GALNTL6: variants seen among roughly 807,000 people sequenced by gnomAD.
The protein encoded by GALNTL6 is polypeptide N-acetylgalactosaminyltransferase-like 6.
Under a neutral mutation model 73.7 loss-of-function variants are expected in GALNTL6, and 46 were observed. That is an observed-to-expected ratio of 0.62 (90% CI 0.49 to 0.80). The LOEUF (loss-of-function observed/expected upper bound fraction) is 0.80. GALNTL6 is among the 30% of genes least tolerant of loss of function. The pLI, the probability that GALNTL6 is intolerant of heterozygous loss-of-function variation, is 0.00. For missense variants in GALNTL6, 604 were observed against 755.0 expected (o/e 0.80, Z 2.34); for synonymous variants, 259 against 263.7 (o/e 0.98, Z 0.17).
Position 172,815,867 on chromosome 4 carries a change from C to T in GALNTL6, c.923+2144C>T, listed in dbSNP as rs1741575525. 4.6e-5 allele frequency among the ~76,000 whole-genome samples: 7 copies of T among 152,276 alleles called. No homozygotes were observed. In the South Asian group the frequency reaches 1.2e-3, roughly 27 times the overall value. On this transcript the variant is annotated intron_variant, in intron 7 of 12. Transcript: ENST00000506823. Reference sequence around the variant, plus strand: ...CCTAGGAATGTGGACACTTTAGCCTCTTGTAATAAATGTAACTTGCAGGAG... The same window carrying T: ...CCTAGGAATGTGGACACTTTAGCCTTTTGTAATAAATGTAACTTGCAGGAG...
chr4:172,833,478 C>G (rs532710527), intron 7 of GALNTL6, among the ~76,000 whole-genome samples: 3 of 152,246 alleles, frequency 2.0e-5, no homozygotes, highest in African/African-American at 7.2e-5. Flanking sequence ...AATCTGCCTA[C>G]TTCACCCCTC....
chr4:172,567,450 A>C (rs1736598178), intron 5 of GALNTL6, among the ~76,000 whole-genome samples: 1 of 152,220 alleles, frequency 6.6e-6, no homozygotes. Flanking sequence ...AAAATCATAC[A>C]TAATTTCACA....
rs112199600 is a variant in GALNTL6 at position 172,756,600 on chromosome 4, G to A, written c.554-52761G>A. Among the ~76,000 whole-genome samples the A allele has an allele frequency of 9.5e-3, 1,435 of 151,770 alleles. 10 individuals are homozygous for A. The highest frequency in any genetic ancestry group is 0.016 in the Non-Finnish European group (1,103 of 67,970). On this transcript the variant is annotated intron_variant, in intron 5 of 12. Coordinates refer to ENST00000506823, the MANE Select transcript of GALNTL6 (RefSeq NM_001034845.3). ...GCCGAAGTTGCAGTGAGCCAAGATCGCGTCACTGCACACTACAGCCCGGCA... is the reference window on the plus strand; with the variant it reads ...GCCGAAGTTGCAGTGAGCCAAGATCACGTCACTGCACACTACAGCCCGGCA...
chr4:172,205,190 A>AGGATAAAACATC (rs1278203169), intron 2 of GALNTL6, among the ~76,000 whole-genome samples: 2 of 152,222 alleles, frequency 1.3e-5, no homozygotes, highest in Admixed American at 1.3e-4. Flanking sequence ...ACAAATGTAA[A>AGGATAAAACATC]GGATAAAACA....
At chr4:172,675,090 A>G (rs572266190) in intron 5 of GALNTL6, among the ~76,000 whole-genome samples, 1 of 151,860 alleles carries the variant, frequency 6.6e-6, no homozygotes, top group Non-Finnish European at 1.5e-5. Flanking sequence ...ATTCCTTATC[A>G]TCTGTGTGGG....
At chr4:172,149,476 G>T (rs1465667367) in intron 2 of GALNTL6, among the ~76,000 whole-genome samples, 3 of 151,770 alleles carry the variant, frequency 2.0e-5, no homozygotes, top group Non-Finnish European at 4.4e-5. Context: ...GTTTCCTGAG[G>T]CTCCTAGAGG....
At chr4:172,566,219 C>T (rs1250418434) in intron 5 of GALNTL6, among the ~76,000 whole-genome samples, 2 of 152,016 alleles carry the variant, frequency 1.3e-5, no homozygotes, top group Admixed American at 6.5e-5. Context: ...CAAAATATAC[C>T]ACCAACAGTA....
chr4:172,707,648 T>C (rs1734438130), intron 5 of GALNTL6, among the ~76,000 whole-genome samples: 1 of 152,200 alleles, frequency 6.6e-6, no homozygotes, highest in Admixed American at 6.5e-5. Context: ...TATTCAGACC[T>C]GTCAGGTCTA....
At chr4:172,704,362 T>C (rs1734200710) in intron 5 of GALNTL6, among the ~76,000 whole-genome samples, 1 of 151,930 alleles carries the variant, frequency 6.6e-6, no homozygotes, top group Admixed American at 6.6e-5. Flanking sequence ...ATAATCTTTT[T>C]CTGTATCCCA....
At chr4:172,335,111 C>A (rs35857156) in intron 4 of GALNTL6, among the ~76,000 whole-genome samples, 10 of 151,978 alleles carry the variant, frequency 6.6e-5, no homozygotes, top group Admixed American at 2.0e-4. Context: ...CCACGCCCAG[C>A]TAATTTTTTG....
intron 5 of GALNTL6, among the ~76,000 whole-genome samples, chr4:172,349,830 A>T (rs6831671): frequency 0.14 from 13,486 of 99,462 alleles, 1,039 homozygotes; most frequent in African/African-American, 0.23. Context: ...ATTAAAAAAA[A>T]ATATATATAT....
At chr4:172,991,437 C>T (rs2126456419) in intron 10 of GALNTL6, among the ~76,000 whole-genome samples, 1 of 151,694 alleles carries the variant, frequency 6.6e-6, no homozygotes, top group East Asian at 1.9e-4. Flanking sequence ...CTTGCTCTGT[C>T]ACCCAGGCTG....
chr4:172,618,658 T>A (rs1020235505), intron 5 of GALNTL6, among the ~76,000 whole-genome samples: 4 of 152,156 alleles, frequency 2.6e-5, no homozygotes, highest in Admixed American at 2.6e-4. Flanking sequence ...TTTTAAAAAA[T>A]TCTGTACCTA....
At position 172,213,609 on chromosome 4, in the gene GALNTL6, C is replaced by T. The variant is rs555037281; in HGVS notation, c.139-16047C>T. On this transcript the variant is annotated intron_variant, in intron 2 of 12. Transcript: ENST00000506823. ...GTTGATTAGCCTGTTTATAAATTGA[C>T]TTATTTGTTTTCTTGTTATTAAACT... Among the ~76,000 whole-genome samples the T allele has an allele frequency of 3.9e-5, 6 of 152,044 alleles. No individual in the cohort carries two copies. In the East Asian group the frequency reaches 1.2e-3, roughly 29 times the overall value.
At chr4:172,557,297 G>A (rs1277773929) in intron 5 of GALNTL6, among the ~76,000 whole-genome samples, 1 of 152,014 alleles carries the variant, frequency 6.6e-6, no homozygotes, top group East Asian at 1.9e-4. Context: ...AAAACATTAA[G>A]CCTTTTAGAA....
At chr4:172,916,972 G>A (rs1285003208) in intron 8 of GALNTL6, among the ~76,000 whole-genome samples, 2 of 152,120 alleles carry the variant, frequency 1.3e-5, no homozygotes, top group African/African-American at 4.8e-5. Flanking sequence ...AAAGCTGGAG[G>A]CATCACACTA....
rs187303629 is a variant in GALNTL6, at chr4:172,650,424, A to C, written c.554-158937A>C. ...GAAGAGATATCTAAGGGCCTAGGAA[A>C]TATAATCTTCTTCAGAAAATATTTT... On this transcript the variant is annotated intron_variant, in intron 5 of 12. Transcript: ENST00000506823. Among the ~76,000 whole-genome samples the C allele has an allele frequency of 1.5e-4, 23 of 152,324 alleles. No homozygotes were observed. The South Asian group carries it at 3.3e-3, about 22-fold the overall frequency.
At chr4:172,401,952 GGGA>G (rs1554021054) in intron 5 of GALNTL6, among the ~76,000 whole-genome samples, 3 of 98,500 alleles carry the variant, frequency 3.0e-5, no homozygotes, top group Non-Finnish European at 4.1e-5. Context: ...AGGGGGAGGG[GGGA>G]GAGAGAGAGA....
At chr4:172,567,963 A>AT (rs1179998336) in intron 5 of GALNTL6, among the ~76,000 whole-genome samples, 1 of 152,202 alleles carries the variant, frequency 6.6e-6, no homozygotes, top group Non-Finnish European at 1.5e-5. Context: ...TTATTACAAA[A>AT]TTATTTAAAC....
Sources: gnomAD v4.1 joint callset for allele counts (sites outside exome capture counted in the v4.1 genomes callset) on GRCh38, gnomAD v4.1.1 for gene constraint, MANE v1.5 for transcripts, NCBI Gene and HGNC (gene_info 2026-07-23, HGNC 2026-07-21) for gene names.